Variants in ARFIP1 observed in about 807,000 individuals in gnomAD.
The protein encoded by ARFIP1 is arfaptin-1.
Under a neutral mutation model 42.5 loss-of-function variants are expected in ARFIP1, and 24 were observed. The ratio of observed to expected loss-of-function variants is 0.57; its 90% CI spans 0.41 to 0.80. ARFIP1 has a LOEUF of 0.80. Ranked by LOEUF, ARFIP1 falls within the 30% of genes least tolerant of loss-of-function variation. The pLI is 0.00. For synonymous variants in ARFIP1, 141 were observed against 153.7 expected, an observed-to-expected ratio of 0.92 and a Z score of 0.61; for missense variants, 354 against 434.0, an observed-to-expected ratio of 0.82 and a Z score of 1.64.
rs1236195568 is a variant in ARFIP1 at position 152,889,792 on chromosome 4, A to AC, written c.966+1485_966+1486insC. Among the ~76,000 whole-genome samples the AC allele has an allele frequency of 1.5e-3, 82 of 53,126 alleles. 5 individuals carry two copies. Among genetic ancestry groups the AC allele is most frequent in the African/African-American group, 7.1e-3 (57 of 8,068 alleles). 34.9% of individuals were successfully genotyped at this position (53,126 alleles called of 152,430 possible). On this transcript the variant is annotated intron_variant, in intron 8 of 8. Coordinates refer to ENST00000353617, the MANE Select transcript of ARFIP1 (RefSeq NM_001025595.3). ...CTATATACTATATATACTATATATT[A>AC]TATACTATACTATATACTATATATA...
At chr4:152,806,020 C>A (rs2149828330) in intron 1 of ARFIP1, among the ~76,000 whole-genome samples, 1 of 152,344 alleles carries the variant, frequency 6.6e-6, no homozygotes, top group South Asian at 2.1e-4. Flanking sequence ...ATACATCATA[C>A]TTGGCTAAAG....
intron 2 of ARFIP1, among the ~76,000 whole-genome samples, chr4:152,853,154 C>T (rs1733133416): frequency 6.6e-6 from 1 of 152,124 alleles, no homozygotes; most frequent in Non-Finnish European, 1.5e-5. Context: ...TTTGTATAAT[C>T]TTTGTTCCTT....
At chr4:152,811,276 A>G (rs1237638053) in intron 1 of ARFIP1, among the ~76,000 whole-genome samples, 1 of 152,138 alleles carries the variant, frequency 6.6e-6, no homozygotes, top group African/African-American at 2.4e-5. Flanking sequence ...TCTTAATATT[A>G]TAGATGAGAA....
chr4:152,814,133 A>T (rs1293834596), intron 1 of ARFIP1, among the ~76,000 whole-genome samples: 4 of 136,396 alleles, frequency 2.9e-5, no homozygotes, highest in African/African-American at 1.1e-4. Flanking sequence ...TCTGTCACCC[A>T]GGCTGGAGTG....
intron 1 of ARFIP1, among the ~76,000 whole-genome samples, chr4:152,806,659 C>G (rs1729013627): frequency 6.6e-6 from 1 of 152,062 alleles, no homozygotes; most frequent in African/African-American, 2.4e-5. Context: ...CAGTTAGTTT[C>G]TTGTGTCCCT....
At chr4:152,871,218 A>C (rs938219865) in intron 4 of ARFIP1, among the ~76,000 whole-genome samples, 20 of 152,284 alleles carry the variant, frequency 1.3e-4, no homozygotes, top group African/African-American at 4.6e-4. Flanking sequence ...AACCTTCAAC[A>C]ATTAGGTTGG....
chr4:152,823,508 C>T (rs1357111431), intron 1 of ARFIP1, among the ~76,000 whole-genome samples: 1 of 152,158 alleles, frequency 6.6e-6, no homozygotes, highest in Non-Finnish European at 1.5e-5. Flanking sequence ...TGGCTGGGCA[C>T]AGTGGTTTAT....
intron 3 of ARFIP1, among the ~76,000 whole-genome samples, chr4:152,867,570 C>T (rs1351692398): frequency 6.6e-6 from 1 of 152,092 alleles, no homozygotes; most frequent in Non-Finnish European, 1.5e-5. Context: ...GAAACAATTA[C>T]TTGTAAAAGC....
rs886507392 is a variant in ARFIP1, at chr4:152,820,670, C to T, written c.-9-8955C>T. ...AACAACCAGTTTTCATGAGAACTCA[C>T]TATCGCAAGAACAGCAAGGGGGAAA... On this transcript the variant is annotated intron_variant, in intron 1 of 8. Coordinates refer to ENST00000353617, the MANE Select transcript of ARFIP1 (RefSeq NM_001025595.3). Among the ~76,000 whole-genome samples the T allele has an allele frequency of 2.6e-5, 4 of 152,154 alleles. No homozygotes were observed. The South Asian group carries it at 8.3e-4, about 32-fold the overall frequency.
At chr4:152,789,446 T>G (rs541079762) in intron 1 of ARFIP1, among the ~76,000 whole-genome samples, 37 of 152,302 alleles carry the variant, frequency 2.4e-4, no homozygotes, top group Admixed American at 8.5e-4. Context: ...ACTACTTGGC[T>G]TGAGATAATG....
At chr4:152,880,923 T>G in intron 5 of ARFIP1, 40 bp from the exon 6 acceptor site, 1 of 1,512,572 alleles carries the variant, frequency 6.6e-7, no homozygotes, top group Non-Finnish European at 9.1e-7. Flanking sequence ...TATTTTGTTT[T>G]GTTTTTTCTT....
chr4:152,786,591 T>A (rs1730822360), intron 1 of ARFIP1, among the ~76,000 whole-genome samples: 1 of 152,226 alleles, frequency 6.6e-6, no homozygotes, highest in Non-Finnish European at 1.5e-5. Context: ...TTCTTATCTG[T>A]CCTCTCTAAT....
intron 1 of ARFIP1, among the ~76,000 whole-genome samples, chr4:152,797,349 C>CT (rs1326911529): frequency 2.0e-5 from 3 of 152,152 alleles, no homozygotes; most frequent in Non-Finnish European, 4.4e-5. Flanking sequence ...TCCCACACTG[C>CT]TTTAATTATA....
chr4:152,885,924 G>C (rs1033519135), intron 7 of ARFIP1, among the ~76,000 whole-genome samples: 4 of 151,872 alleles, frequency 2.6e-5, no homozygotes, highest in African/African-American at 9.7e-5. Context: ...TCTATATGAA[G>C]TTTTTGTGGA....
chr4:152,894,488 CTTT>C (rs1364058243), intron 8 of ARFIP1, among the ~76,000 whole-genome samples: 1 of 152,134 alleles, frequency 6.6e-6, no homozygotes, highest in African/African-American at 2.4e-5. Flanking sequence ...TTCTTGAGTA[CTTT>C]AAAAATATTC....
intron 8 of ARFIP1, among the ~76,000 whole-genome samples, chr4:152,909,741 A>T (rs555734527): frequency 6.6e-6 from 1 of 152,332 alleles, no homozygotes; most frequent in Non-Finnish European, 1.5e-5. Context: ...GATATCTCAC[A>T]TGATTTTGAA....
intron 2 of ARFIP1, among the ~76,000 whole-genome samples, chr4:152,851,032 T>A (rs950114893): frequency 2.6e-5 from 4 of 152,200 alleles, no homozygotes; most frequent in African/African-American, 9.7e-5. Context: ...CATAAGTGTT[T>A]TAGTTTGTTT....
At chr4:152,805,369 A>C (rs1321272544) in intron 1 of ARFIP1, among the ~76,000 whole-genome samples, 1 of 152,210 alleles carries the variant, frequency 6.6e-6, no homozygotes, top group South Asian at 2.1e-4. Flanking sequence ...ACCAGAATCC[A>C]GGCCCACATA....
rs1290223333 is a variant in ARFIP1, at chr4:152,867,279, C to T, written c.203-3474C>T. 7.2e-5 allele frequency among the ~76,000 whole-genome samples: 11 copies of T among 152,310 alleles called. No individual in the cohort carries two copies. The South Asian group carries it at 1.0e-3, about 14-fold the overall frequency. ...GAGGCTGAGGCTGGCGGATCACTCG[C>T]GGTTAGGAGCTGGTGACCAGCCCGG... On this transcript the variant is annotated intron_variant, in intron 3 of 8. Coordinates refer to ENST00000353617, the MANE Select transcript of ARFIP1 (RefSeq NM_001025595.3).
Sources: allele counts gnomAD v4.1 joint callset (sites outside exome capture counted in the v4.1 genomes callset), GRCh38; gene constraint gnomAD v4.1.1; transcripts MANE v1.5; gene names NCBI Gene and HGNC (gene_info 2026-07-23, HGNC 2026-07-21).